The following DGLUCY variants were observed in gnomAD, a reference collection of about 807,000 sequenced individuals.
DGLUCY encodes the protein D-glutamate cyclase, mitochondrial.
A neutral mutation model predicts 58.5 loss-of-function variants in DGLUCY; 58 were observed. The ratio of observed to expected loss-of-function variants is 0.99; its 90% confidence interval spans 0.80 to 1.23. The LOEUF (loss-of-function observed/expected upper bound fraction) is 1.23. Among genes scored for constraint, DGLUCY ranks in the 50% most tolerant of loss-of-function variants. The pLI, the probability that DGLUCY is intolerant of heterozygous loss-of-function variation, is 0.00. For missense variants in DGLUCY, 779 were observed against 784.7 expected, an observed-to-expected ratio of 0.99 and a Z score of 0.09; for synonymous variants, 325 against 314.1, an observed-to-expected ratio of 1.03 and a Z score of -0.37.
chr14:91,068,390 C>T (rs1304300177), intron 1 of DGLUCY, among the ~76,000 whole-genome samples: 1 of 152,134 alleles, frequency 6.6e-6, no homozygotes. Context: ...TATTGGGGGC[C>T]GGGCACGGTG....
chr14:91,143,285 C>T (rs970797996), intron 1 of DGLUCY, among the ~76,000 whole-genome samples: 21 of 151,686 alleles, frequency 1.4e-4, no homozygotes, highest in African/African-American at 3.1e-4. Flanking sequence ...TTAGTAGAGA[C>T]GGGGTTTCAA....
At chr14:91,088,300 C>T (rs1178392592) in intron 1 of DGLUCY, among the ~76,000 whole-genome samples, 3 of 152,120 alleles carry the variant, frequency 2.0e-5, no homozygotes, top group Non-Finnish European at 1.5e-5. Context: ...TTTGCTTCAC[C>T]TCCCTGGGGG....
chr14:91,135,457 C>G (rs954284048), intron 1 of DGLUCY, among the ~76,000 whole-genome samples: 3 of 152,074 alleles, frequency 2.0e-5, no homozygotes, highest in Admixed American at 6.5e-5. Context: ...TGAGGCCAGC[C>G]TGGCCAATAT....
Position 91,173,375 on chromosome 14 carries a change from G to A in DGLUCY, c.543G>A (p.Gly181=), listed in dbSNP as rs1329649075. The A allele has an allele frequency of 8.7e-6, 14 of 1,613,428 alleles. No individual in the cohort carries two copies. The highest frequency in any genetic ancestry group is 1.2e-5 in the Non-Finnish European group (14 of 1,179,868). ...MRPIPKDKLE[G]LVRACCSLGG... The stretch of plus-strand genomic sequence containing the variant: ...CCATTCCCAAGGACAAGCTGGAAGG[G>A]CTGGTGCGGGCCTGCTGCTCCCTCG... The change falls in exon 6 of 14, where the codon GGG becomes GGA. Residue 181 remains glycine, a synonymous_variant. Coordinates refer to ENST00000256324, the MANE Select transcript of DGLUCY (RefSeq NM_001102368.3).
intron 1 of DGLUCY, among the ~76,000 whole-genome samples, chr14:91,122,422 G>C (rs890705665): frequency 1.1e-4 from 16 of 151,884 alleles, no homozygotes; most frequent in Admixed American, 6.6e-4. Context: ...CAAAGTGTTA[G>C]GATTACAGGC....
At chr14:91,164,559 A>G (rs2140366220) in intron 3 of DGLUCY, among the ~76,000 whole-genome samples, 1 of 152,340 alleles carries the variant, frequency 6.6e-6, no homozygotes, top group African/African-American at 2.4e-5. Flanking sequence ...CCTCAAGCCC[A>G]GTAACGCCGT....
chr14:91,112,786 G>A (rs557161031), upstream of DGLUCY, among the ~76,000 whole-genome samples: 3 of 151,982 alleles, frequency 2.0e-5, no homozygotes, highest in South Asian at 2.1e-4. Context: ...TTGGGAGGCC[G>A]AGGCGGGCAG....
chr14:91,102,178 A>C, intron 1 of DGLUCY, among the ~76,000 whole-genome samples: 1 of 152,308 alleles, frequency 6.6e-6, no homozygotes, highest in Middle Eastern at 3.4e-3. Context: ...AAACCATAAA[A>C]ATATTAAATA....
At chr14:91,189,196 A>G (rs768132468) in intron 9 of DGLUCY, 26 bp downstream of exon 9, 20 of 1,611,780 alleles carry the variant, frequency 1.2e-5, no homozygotes, top group South Asian at 9.9e-5. Flanking sequence ...GGCTTGGTCC[A>G]TTTCCCCAAA....
intron 10 of DGLUCY, 42 bp from the exon 11 acceptor site, chr14:91,199,715 C>G: frequency 1.2e-6 from 2 of 1,600,294 alleles, no homozygotes; most frequent in Non-Finnish European, 1.7e-6. Flanking sequence ...GCAGCCACCT[C>G]TCCATAGGAC....
At chr14:91,126,519 C>G (rs936670602) in intron 1 of DGLUCY, 2 of 225,902 alleles carry the variant, frequency 8.9e-6, no homozygotes, top group Non-Finnish European at 1.9e-5. Context: ...GGACACAGAG[C>G]TTGTGACCTC....
At chr14:91,106,170 T>G (rs1440452305), upstream of DGLUCY, among the ~76,000 whole-genome samples, 1 of 151,766 alleles carries the variant, frequency 6.6e-6, no homozygotes, top group Non-Finnish European at 1.5e-5. Flanking sequence ...TAGCCCGGCA[T>G]GGTGACGTGC....
chr14:91,194,544 CTTTT>C (rs541744186), intron 9 of DGLUCY, among the ~76,000 whole-genome samples: 16 of 140,898 alleles, frequency 1.1e-4, no homozygotes, highest in African/African-American at 1.6e-4. Flanking sequence ...GTGAGGGATC[CTTTT>C]TTTTTTTTTT....
At chr14:91,120,288 C>G (rs1239647612) in intron 1 of DGLUCY, among the ~76,000 whole-genome samples, 3 of 152,186 alleles carry the variant, frequency 2.0e-5, no homozygotes, top group African/African-American at 7.2e-5. Context: ...GTCTCACAGG[C>G]TCCTCCTACT....
chr14:91,221,987 T>C (rs1887588959), intron 13 of DGLUCY, among the ~76,000 whole-genome samples: 1 of 151,972 alleles, frequency 6.6e-6, no homozygotes, highest in African/African-American at 2.4e-5. Flanking sequence ...CTCTACACAC[T>C]CAGCATCCAC....
chr14:91,133,921 G>C (rs10138074), intron 1 of DGLUCY, among the ~76,000 whole-genome samples: 22,147 of 152,262 alleles, frequency 0.15, 1,812 homozygotes, highest in African/African-American at 0.21. Flanking sequence ...CATGTGCTCA[G>C]TGGCCATTTG....
intron 12 of DGLUCY, among the ~76,000 whole-genome samples, 180 bp from the exon 13 acceptor site, chr14:91,215,225 G>A (rs1338159653): frequency 6.6e-6 from 1 of 152,152 alleles, no homozygotes; most frequent in African/African-American, 2.4e-5. Context: ...CTCCTGCTGA[G>A]CTTTTTATTC....
intron 11 of DGLUCY, among the ~76,000 whole-genome samples, chr14:91,204,090 T>C (rs2050734214): frequency 6.6e-6 from 1 of 152,252 alleles, no homozygotes; most frequent in African/African-American, 2.4e-5. Flanking sequence ...ATTTTTAATA[T>C]GTATTTATTC....
At chr14:91,141,893 TG>T (rs1196522304) in intron 1 of DGLUCY, among the ~76,000 whole-genome samples, 3 of 148,326 alleles carry the variant, frequency 2.0e-5, no homozygotes, top group Admixed American at 1.4e-4. Flanking sequence ...TCGCCTAGGC[TG>T]GAGTGCAGTG....
Sources: gnomAD v4.1 joint callset for allele counts (sites outside exome capture counted in the v4.1 genomes callset) on GRCh38, gnomAD v4.1.1 for gene constraint, MANE v1.5 for transcripts, NCBI Gene and HGNC (gene_info 2026-07-23, HGNC 2026-07-21) for gene names.